IL17RB: variants seen among roughly 807,000 people sequenced by gnomAD.
The protein encoded by IL17RB is interleukin-17 receptor B.
Under a neutral mutation model 43.9 loss-of-function variants are expected in IL17RB, and 36 were observed. The observed-to-expected ratio is 0.82, with a 90% CI of 0.63 to 1.08. IL17RB has a LOEUF of 1.08. Ranked by LOEUF, IL17RB falls within the 50% of genes least tolerant of loss-of-function variation. IL17RB has a pLI of 0.00. For synonymous variants in IL17RB, 225 were observed against 225.4 expected, an observed-to-expected ratio of 1.00 and a Z score of 0.02; for missense variants, 613 against 613.6, an observed-to-expected ratio of 1.00 and a Z score of 0.01.
In IL17RB at chr3:53,865,305, G is replaced by T; in HGVS notation, c.1506G>T (p.Leu502Phe). 6.2e-7 allele frequency: 1 copy of T among 1,601,014 alleles called. No homozygotes were observed. ...CCTGCCACGATGGCTGCTGCTCCTTGTAGCCCACCCATGAGAAGCAAGAGA... is the reference window on the plus strand; with the variant it reads ...CCTGCCACGATGGCTGCTGCTCCTTTTAGCCCACCCATGAGAAGCAAGAGA... ...SQACHDGCCS[L>F] The change falls in exon 11 of 11, where the codon TTG (leucine) becomes TTT (phenylalanine). Residue 502 changes from leucine to phenylalanine, a missense_variant. Transcript: ENST00000288167.
chr3:53,853,820 C>A (rs1440990757), intron 5 of IL17RB, among the ~76,000 whole-genome samples: 1 of 152,200 alleles, frequency 6.6e-6, no homozygotes, highest in Non-Finnish European at 1.5e-5. Context: ...TGGTTTCCAA[C>A]TTTCTTGATG....
chr3:53,853,108 C>A, intron 5 of IL17RB, 111 bp downstream of exon 5: 1 of 1,215,254 alleles, frequency 8.2e-7, no homozygotes, highest in Non-Finnish European at 1.2e-6. Context: ...CTTGCTAAAT[C>A]TCAGTTCCCT....
At position 53,848,680 on chromosome 3, in the gene IL17RB, C is replaced by G; in HGVS notation, c.77C>G (p.Ser26Cys). 6.2e-7 allele frequency: 1 copy of G among 1,614,066 alleles called. No homozygotes were observed. Among genetic ancestry groups the G allele is most frequent in the Non-Finnish European group, 8.5e-7 (1 of 1,179,982 alleles). ...VPREPTVQCG[S>C]ETGPSPEWML... is the part of the protein sequence containing the mutation. ...CTCCCACAGACCGTTCAATGTGGCT[C>G]TGAAACTGGTAGGTGCATTAGAGAA... is the stretch of plus-strand genomic sequence containing the variant. Residue 26 changes from serine (S) to cysteine (C), a missense_variant, in exon 2 of 11, where the codon TCT becomes TGT. By Grantham distance (112) the Ser-to-Cys change is moderately radical. Transcript: ENST00000288167.
chr3:53,853,490 C>A (rs1456846917), intron 5 of IL17RB, among the ~76,000 whole-genome samples: 8 of 152,248 alleles, frequency 5.3e-5, no homozygotes, highest in African/African-American at 9.6e-5. Flanking sequence ...TGAGAATCTA[C>A]AGACTCCAGT....
intron 3 of IL17RB, among the ~76,000 whole-genome samples, chr3:53,851,208 G>C (rs1007397069): frequency 1.3e-5 from 2 of 152,150 alleles, no homozygotes; most frequent in African/African-American, 4.8e-5. Flanking sequence ...ATTCAGATCG[G>C]AAAAAAGTCT....
chr3:53,850,887 A>C (rs55754695), intron 3 of IL17RB, among the ~76,000 whole-genome samples: 45,063 of 152,070 alleles, frequency 0.3, 6,949 homozygotes, highest in Middle Eastern at 0.37. Flanking sequence ...TGAGGAGCAC[A>C]CCTGAGGGAG....
At chr3:53,852,241 A>C in intron 4 of IL17RB, 115 bp downstream of exon 4, 12 of 955,260 alleles carry the variant, frequency 1.3e-5, no homozygotes, top group Non-Finnish European at 1.8e-5. Flanking sequence ...TTCTGGGCTC[A>C]AGCGATCGTT....
intron 10 of IL17RB, among the ~76,000 whole-genome samples, chr3:53,862,655 G>T (rs1362634372): frequency 6.6e-6 from 1 of 152,200 alleles, no homozygotes; most frequent in Non-Finnish European, 1.5e-5. Flanking sequence ...TTCCCCATCA[G>T]TGTGAGGTGA....
Position 53,846,608 on chromosome 3 carries a change from G to C in IL17RB, c.20G>C (p.Ser7Thr), listed in dbSNP as rs1419490487. 1 of 1,591,224 alleles carries C rather than the reference G, an allele frequency of 6.3e-7. No individual in the cohort carries two copies. The highest frequency in any genetic ancestry group is 8.5e-7 in the Non-Finnish European group (1 of 1,172,478). The change falls in exon 1 of 11, where the codon AGC (serine) becomes ACC (threonine). Residue 7 changes from serine (S) to threonine (T), a missense_variant. Coordinates refer to ENST00000288167, the MANE Select transcript of IL17RB (RefSeq NM_018725.4). ...CCGGCGATGTCGCTCGTGCTGCTAA[G>C]CCTGGCCGCGCTGTGCAGGAGCGCC... MSLVLL[S>T]LAALCRSAVP... is the part of the protein sequence containing the mutation.
intron 10 of IL17RB, among the ~76,000 whole-genome samples, chr3:53,863,396 A>G (rs1001934906): frequency 1.6e-4 from 24 of 150,282 alleles, no homozygotes; most frequent in Admixed American, 4.7e-4. Context: ...AGGCAGAGCT[A>G]TTAAAAAAAC....
At position 53,849,940 on chromosome 3, in the gene IL17RB, C is replaced by T. The variant is rs921813071; in HGVS notation, c.226+145C>T. 1.8e-5 allele frequency: 11 copies of T among 617,676 alleles called. 1 individual carries two copies. Among genetic ancestry groups the T allele is most frequent in the African/African-American group, 5.7e-5 (3 of 53,038 alleles). The allele number at this position is 617,676 out of a possible 1,614,324, so 38.3% of individuals were successfully genotyped here. On this transcript the variant is annotated intron_variant, in intron 3 of 10. Coordinates refer to ENST00000288167, the MANE Select transcript of IL17RB (RefSeq NM_018725.4). Reference sequence around the variant, plus strand: ...ACCAAAAGCCACATACTAGGGTGATCGCAGTAGCACTACTTACAACAGGCA... The same window carrying T: ...ACCAAAAGCCACATACTAGGGTGATTGCAGTAGCACTACTTACAACAGGCA...
Position 53,852,072 on chromosome 3 carries a change from G to A in IL17RB, c.300G>A (p.Val100=). 1 of 1,614,168 alleles carries A rather than the reference G, an allele frequency of 6.2e-7. No individual in the cohort carries two copies. Among genetic ancestry groups the A allele is most frequent in the African/African-American group, 1.3e-5 (1 of 75,046 alleles). The change falls in exon 4 of 11, where the codon GTG becomes GTA. Residue 100 remains valine (V), a synonymous_variant. Transcript: ENST00000288167. The part of the protein sequence containing the change: ...GKSNFQSYSC[V]RCNYTEAFQT... ...GCAACTTCCAGTCCTACAGCTGTGT[G>A]AGGTGCAATTACACAGAGGCCTTCC...
intron 5 of IL17RB, among the ~76,000 whole-genome samples, chr3:53,853,629 A>G (rs540102098): frequency 6.6e-6 from 1 of 152,310 alleles, no homozygotes; most frequent in South Asian, 2.1e-4. Context: ...CAGGGCTGTG[A>G]TGAGGATGAG....
rs75868065 is a variant in IL17RB at position 53,865,279 on chromosome 3, G to A, written c.1480G>A (p.Ala494Thr). The A allele has an allele frequency of 6.2e-7, 1 of 1,608,370 alleles. No homozygotes were observed. The highest frequency in any genetic ancestry group is 8.5e-7 in the Non-Finnish European group (1 of 1,179,896). ...GGTGTCAGCAGGAAAAAGATCACAA[G>A]CCTGCCACGATGGCTGCTGCTCCTT... ...QQVSAGKRSQ[A>T]CHDGCCSL Residue 494 changes from alanine (A) to threonine (T), a missense_variant, in exon 11 of 11, where the codon GCC (alanine) becomes ACC (threonine). By Grantham distance (58) the Ala-to-Thr change is moderately conservative (BLOSUM62 0). Coordinates refer to ENST00000288167, the MANE Select transcript of IL17RB (RefSeq NM_018725.4).
At position 53,864,789 on chromosome 3, in the gene IL17RB, C is replaced by A. The variant is rs1477435455; in HGVS notation, c.990C>A (p.Pro330=). Residue 330 remains proline (P), a synonymous_variant, in exon 11 of 11, where the codon CCC becomes CCA. Coordinates refer to ENST00000288167, the MANE Select transcript of IL17RB (RefSeq NM_018725.4). Reference sequence around the variant, plus strand: ...CCTTTTCTACCACCACACTACTGCCCCCCATTAAGGTTCTTGTGGTTTACC... The same window carrying A: ...CCTTTTCTACCACCACACTACTGCCACCCATTAAGGTTCTTGTGGTTTACC... ...KTSFSTTTLL[P]PIKVLVVYPS... 1.2e-6 allele frequency: 2 copies of A among 1,613,638 alleles called. No individual in the cohort carries two copies. The highest frequency in any genetic ancestry group is 1.7e-6 in the Non-Finnish European group (2 of 1,179,906).
chr3:53,848,540 T>A (rs1229609817), intron 1 of IL17RB, 124 bp from the exon 2 acceptor site: 1 of 953,686 alleles, frequency 1.0e-6, no homozygotes, highest in Admixed American at 1.7e-5. Context: ...CAGTTCATCT[T>A]TTCTTTGAAA....
rs777424184 is a variant in IL17RB at position 53,852,988 on chromosome 3, ACCTCACCAGGTAAACTT to A, written c.478_481+13del. The A allele has an allele frequency of 1.9e-5, 31 of 1,613,820 alleles. 2 individuals are homozygous for A. In the South Asian group the frequency reaches 3.4e-4, roughly 18 times the overall value. ...TGGCCCTTCCATGTCTGTGAATTTC[ACCTCACCAGGTAAACTT>A]CCTCATTTGTTTATTATTCTTTGTC... On this transcript the variant is annotated splice_donor_variant and splice_donor_5th_base_variant and coding_sequence_variant and intron_variant, in exon 5 of 11. Coordinates refer to ENST00000288167, the MANE Select transcript of IL17RB (RefSeq NM_018725.4). LOFTEE classifies it high-confidence loss of function.
chr3:53,852,246 A>G, intron 4 of IL17RB, 120 bp downstream of exon 4: 1 of 908,420 alleles, frequency 1.1e-6, no homozygotes, highest in East Asian at 2.7e-5. Flanking sequence ...GGCTCAAGCG[A>G]TCGTTCTACT....
chr3:53,863,859 G>A (rs896317108), intron 10 of IL17RB, among the ~76,000 whole-genome samples: 2 of 143,388 alleles, frequency 1.4e-5, no homozygotes, highest in Non-Finnish European at 3.0e-5. Flanking sequence ...GTCTCACTCT[G>A]TTGCCCAGGC....
Sources: gnomAD v4.1 joint callset for allele counts (sites outside exome capture counted in the v4.1 genomes callset) on GRCh38, gnomAD v4.1.1 for gene constraint, MANE v1.5 for transcripts, NCBI Gene and HGNC (gene_info 2026-07-23, HGNC 2026-07-21) for gene names.